The following SUGP2 variants were observed in gnomAD, a reference collection of about 807,000 sequenced individuals.
The protein encoded by SUGP2 is SURP and G-patch domain containing 2.
In SUGP2, 24 loss-of-function variants were observed where a neutral mutation model predicts 90.5. The ratio of observed to expected loss-of-function variants is 0.27; its 90% CI spans 0.19 to 0.37. The LOEUF is 0.37. Ranked by LOEUF, SUGP2 falls within the 10% of genes least tolerant of loss-of-function variation. The probability of loss-of-function intolerance (pLI) is 1.00; values close to 1 mark genes in which losing one functional copy is unlikely to be tolerated. For synonymous variants in SUGP2, 473 were observed against 513.4 expected (o/e 0.92, Z 1.06); for missense variants, 1,233 against 1,363.3 (o/e 0.90, Z 1.51).
Position 19,008,398 on chromosome 19 carries a change from T to C in SUGP2, c.2369A>G (p.Lys790Arg), listed in dbSNP as rs1034983066. The change falls in exon 6 of 11, where the codon AAA becomes AGA. Residue 790 changes from lysine to arginine, a missense_variant. Coordinates refer to ENST00000452918, the MANE Select transcript of SUGP2 (RefSeq NM_001017392.5). ...CACCTGAGCAACAAATCTAGCCAGTTTCTCTGCAGTCTCCATTGTCTTCAT... is the reference window on the plus strand; with the variant it reads ...CACCTGAGCAACAAATCTAGCCAGTCTCTCTGCAGTCTCCATTGTCTTCAT... ...IDMKTMETAEKLARFVAQVGP... is the reference protein window; with the variant it reads ...IDMKTMETAERLARFVAQVGP... 2 of 1,614,050 alleles carry C rather than the reference T, an allele frequency of 1.2e-6. No individual in the cohort carries two copies. The highest frequency in any genetic ancestry group is 1.7e-6 in the Non-Finnish European group (2 of 1,180,022).
At chr19:19,005,631 G>A (rs1201622395) in intron 6 of SUGP2, among the ~76,000 whole-genome samples, 1 of 152,028 alleles carries the variant, frequency 6.6e-6, no homozygotes, top group African/African-American at 2.4e-5. Flanking sequence ...AAAGGGGTGG[G>A]TCTTTCAAAG....
At chr19:19,001,017 CTTTT>C (rs1163536301) in intron 8 of SUGP2, among the ~76,000 whole-genome samples, 5 of 138,516 alleles carry the variant, frequency 3.6e-5, no homozygotes, top group East Asian at 2.1e-4. Flanking sequence ...GCTTGAACTT[CTTTT>C]TTTTTTTTTT....
upstream of SUGP2, chr19:19,033,727 C>T (rs781248353): frequency 6.2e-4 from 166 of 265,694 alleles, no homozygotes; most frequent in Non-Finnish European, 1.1e-3. Context: ...GCAAAGACGC[C>T]TCCGTCGCGC....
In SUGP2 at chr19:19,024,724, G is replaced by A. The variant is rs1192952570; in HGVS notation, c.1624C>T (p.Leu542Phe). The change falls in exon 3 of 11, where the codon CTC (leucine) becomes TTC (phenylalanine). Residue 542 changes from leucine to phenylalanine, a missense_variant. Transcript: ENST00000452918. Reference protein sequence around the residue: ...KAWLVSSGCPLQVKKAEPEPM... With the variant: ...KAWLVSSGCPFQVKKAEPEPM... ...TCTGGTTCGGCTTTCTTAACCTGGA[G>A]GGGACATCCGCTGCTGACTAGCCAG... 2 of 1,614,194 alleles carry A rather than the reference G, an allele frequency of 1.2e-6. No homozygotes were observed. Among genetic ancestry groups the A allele is most frequent in the Non-Finnish European group, 1.7e-6 (2 of 1,180,054 alleles).
chr19:19,024,309 C>G (rs138135414), intron 3 of SUGP2, among the ~76,000 whole-genome samples: 1 of 151,576 alleles, frequency 6.6e-6, no homozygotes, highest in African/African-American at 2.4e-5. Context: ...TGGGGTTTCA[C>G]CATGTTGGCC....
At chr19:19,001,792 A>G (rs2057844433) in intron 7 of SUGP2, 118 bp from the exon 8 acceptor site, 2 of 1,007,172 alleles carry the variant, frequency 2.0e-6, no homozygotes, top group East Asian at 4.9e-5. Flanking sequence ...AAGGTGTCTT[A>G]GGCTCTGCAT....
At chr19:19,023,802 A>C (rs2058820248) in intron 3 of SUGP2, among the ~76,000 whole-genome samples, 1 of 151,972 alleles carries the variant, frequency 6.6e-6, no homozygotes. Context: ...GCTGAGGCGG[A>C]AGGATCACTT....
At chr19:19,031,613 G>C (rs530874696) in intron 1 of SUGP2, among the ~76,000 whole-genome samples, 1 of 152,104 alleles carries the variant, frequency 6.6e-6, no homozygotes, top group South Asian at 2.1e-4. Flanking sequence ...TGAGGCATGG[G>C]AATTGCTTGA....
At chr19:19,001,762 T>G in intron 7 of SUGP2, 88 bp from the exon 8 acceptor site, 2 of 1,390,008 alleles carry the variant, frequency 1.4e-6, no homozygotes, top group Middle Eastern at 1.9e-4. Context: ...CTATTTTGGC[T>G]AACAGTTCTC....
chr19:19,026,187 T>A lies in SUGP2; in HGVS notation c.161A>T (p.Tyr54Phe). ...TCTGCCATCGCTGTGGACGTCATCA[T>A]ACATCTCTGCTCTGGATCTTGGGAC... is the stretch of plus-strand genomic sequence containing the variant. ...RAVPRSRAEMYDDVHSDGRYS... is the reference protein window; with the variant it reads ...RAVPRSRAEMFDDVHSDGRYS... Residue 54 changes from tyrosine (Y) to phenylalanine (F), a missense_variant, in exon 3 of 11, where the codon TAT (tyrosine) becomes TTT (phenylalanine). Coordinates refer to ENST00000452918, the MANE Select transcript of SUGP2 (RefSeq NM_001017392.5). 1 of 1,610,748 alleles carries A rather than the reference T, an allele frequency of 6.2e-7. No individual in the cohort carries two copies.
intron 4 of SUGP2, among the ~76,000 whole-genome samples, chr19:19,015,110 G>C (rs1361634406): frequency 6.6e-6 from 1 of 152,024 alleles, no homozygotes; most frequent in Admixed American, 6.6e-5. Context: ...GCTGAGGCAG[G>C]AGAATGGTGT....
intron 8 of SUGP2, among the ~76,000 whole-genome samples, chr19:18,996,021 T>C (rs2057566289): frequency 1.3e-5 from 2 of 152,088 alleles, no homozygotes; most frequent in Admixed American, 1.3e-4. Context: ...CTCATGAATA[T>C]TCATGACACA....
intron 3 of SUGP2, among the ~76,000 whole-genome samples, chr19:19,023,106 G>A (rs79099405): frequency 0.016 from 2,433 of 152,212 alleles, 60 homozygotes; most frequent in African/African-American, 0.055. Context: ...GAAAGCCAAT[G>A]ATAACTGCTA....
At chr19:19,028,145 A>C (rs1389805562) in intron 2 of SUGP2, among the ~76,000 whole-genome samples, 1 of 152,200 alleles carries the variant, frequency 6.6e-6, no homozygotes, top group East Asian at 1.9e-4. Flanking sequence ...CTGGAGCCCC[A>C]GGGACCACCT....
At chr19:19,027,180 T>C (rs1345297463) in intron 2 of SUGP2, among the ~76,000 whole-genome samples, 2 of 152,098 alleles carry the variant, frequency 1.3e-5, no homozygotes, top group African/African-American at 2.4e-5. Context: ...ATGGAGAAAC[T>C]GTAAGAAGCG....
intron 4 of SUGP2, among the ~76,000 whole-genome samples, chr19:19,018,128 T>C (rs879438299): frequency 5.9e-5 from 9 of 151,776 alleles, no homozygotes; most frequent in Non-Finnish European, 4.4e-5. Flanking sequence ...CCCACAAGCA[T>C]TATTTGTTGC....
intron 6 of SUGP2, among the ~76,000 whole-genome samples, chr19:19,005,090 G>C (rs956316972): frequency 2.6e-5 from 4 of 152,166 alleles, no homozygotes; most frequent in African/African-American, 9.7e-5. Context: ...GTGCACCATG[G>C]AACCGTAAGG....
At position 19,008,305 on chromosome 19, in the gene SUGP2, G is replaced by C. The variant is rs190164285; in HGVS notation, c.2450+12C>G. The C allele has an allele frequency of 5.1e-5, 82 of 1,600,572 alleles. No homozygotes were observed. The highest frequency in any genetic ancestry group is 1.3e-4 in the East Asian group (6 of 44,816). The stretch of plus-strand genomic sequence containing the variant: ...AAGAAAAAGGTGTGATGAGACCCGG[G>C]GGGGTACGTACCACAGGTCAGGGTT... On this transcript the variant is annotated intron_variant, in intron 6 of 10. Transcript: ENST00000452918.
chr19:19,022,981 G>A (rs1390365505), intron 3 of SUGP2, among the ~76,000 whole-genome samples: 1 of 152,210 alleles, frequency 6.6e-6, no homozygotes, highest in Non-Finnish European at 1.5e-5. Flanking sequence ...GTGTGCTCGT[G>A]ACCTCTGGGA....
Sources: allele counts gnomAD v4.1 joint callset (sites outside exome capture counted in the v4.1 genomes callset), GRCh38; gene constraint gnomAD v4.1.1; transcripts MANE v1.5; gene names NCBI Gene and HGNC (gene_info 2026-07-23, HGNC 2026-07-21).